OXR1: variants seen among roughly 807,000 people sequenced by gnomAD.
The protein encoded by OXR1 is oxidation resistance 1, also known as oxidation resistance protein 1.
In OXR1, 41 loss-of-function variants were observed where a neutral mutation model predicts 104.6. That is an observed-to-expected ratio of 0.39 (90% CI 0.31 to 0.51). The LOEUF (loss-of-function observed/expected upper bound fraction) is 0.51, where lower values mean the gene tolerates loss of function less well. Ranked by LOEUF, OXR1 falls within the 20% of genes least tolerant of loss-of-function variation. The pLI is 0.77. For missense variants in OXR1, 955 were observed against 1,031.9 expected, an observed-to-expected ratio of 0.93 and a Z score of 1.02; for synonymous variants, 348 against 348.4, an observed-to-expected ratio of 1.00 and a Z score of 0.01.
chr8:106,527,195 G>A (rs1168913366), intron 3 of OXR1, among the ~76,000 whole-genome samples: 1 of 152,228 alleles, frequency 6.6e-6, no homozygotes, highest in Admixed American at 6.5e-5. Flanking sequence ...TGTATTTAAA[G>A]TACTTATATT....
intron 1 of OXR1, among the ~76,000 whole-genome samples, chr8:106,330,994 G>A (rs1280767844): frequency 2.0e-5 from 3 of 152,178 alleles, no homozygotes; most frequent in Admixed American, 2.0e-4. Context: ...GAAGTGCTAA[G>A]AGAAATAAAG....
rs569224844 is a variant in OXR1 at position 106,475,125 on chromosome 8, G to A, written c.24-43818G>A. Among the ~76,000 whole-genome samples the A allele has an allele frequency of 5.3e-5, 8 of 151,946 alleles. No homozygotes were observed. The East Asian group carries it at 5.8e-4, about 11-fold the overall frequency. ...ACCCTTGAACAGTGTAGGAGTTAGC[G>A]GTGCCAATCTCCCACACAGTCAAAA... On this transcript the variant is annotated intron_variant, in intron 2 of 16. Coordinates refer to ENST00000517566, the MANE Select transcript of OXR1 (RefSeq NM_001198533.2).
intron 1 of OXR1, among the ~76,000 whole-genome samples, chr8:106,276,317 A>G (rs1812035055): frequency 6.6e-6 from 1 of 152,122 alleles, no homozygotes; most frequent in South Asian, 2.1e-4. Context: ...TGCAATTTTG[A>G]TTTGAACAAC....
intron 3 of OXR1, among the ~76,000 whole-genome samples, chr8:106,567,152 C>G (rs564820030): frequency 6.6e-6 from 1 of 152,148 alleles, no homozygotes; most frequent in African/African-American, 2.4e-5. Context: ...CATGTTACCT[C>G]TCATGGAATT....
chr8:106,465,501 G>T (rs1821125622), intron 2 of OXR1, among the ~76,000 whole-genome samples: 1 of 151,978 alleles, frequency 6.6e-6, no homozygotes, highest in South Asian at 2.1e-4. Flanking sequence ...CATTTTAGAT[G>T]CAGTTTTAAG....
chr8:106,300,542 A>G (rs1813189394), intron 1 of OXR1, among the ~76,000 whole-genome samples: 1 of 151,904 alleles, frequency 6.6e-6, no homozygotes, highest in African/African-American at 2.4e-5. Context: ...ACAAAAATGA[A>G]TTAATTCAAC....
At chr8:106,379,533 C>A (rs367609402) in intron 2 of OXR1, among the ~76,000 whole-genome samples, 1 of 96,970 alleles carries the variant, frequency 1.0e-5, no homozygotes. Flanking sequence ...TTTTTTCTTT[C>A]TTTCTTTTTT....
In OXR1 at chr8:106,309,462, G is replaced by A. The variant is rs1275387008; in HGVS notation, c.-139+39095G>A. ...TTAGCAGGAACCCACTCCAGGATAC[G>A]TGAGCTATTTATAGCCATTTTAGTG... On this transcript the variant is annotated intron_variant, in intron 1 of 16. Transcript: ENST00000517566. Among the ~76,000 whole-genome samples, 8 of 152,158 alleles carry A rather than the reference G, an allele frequency of 5.3e-5. No individual in the cohort carries two copies. The East Asian group carries it at 1.5e-3, about 29-fold the overall frequency.
intron 3 of OXR1, among the ~76,000 whole-genome samples, chr8:106,610,533 T>C (rs1401429495): frequency 2.6e-5 from 4 of 152,164 alleles, no homozygotes; most frequent in African/African-American, 9.7e-5. Flanking sequence ...TAACCTCATC[T>C]CTCTCCTCTC....
intron 3 of OXR1, among the ~76,000 whole-genome samples, chr8:106,638,868 T>A (rs1436733141): frequency 7.0e-6 from 1 of 141,986 alleles, no homozygotes; most frequent in Admixed American, 7.4e-5. Context: ...CACTCCAACC[T>A]GGGCGCAAGA....
chr8:106,598,055 G>A (rs1433737925), intron 3 of OXR1, among the ~76,000 whole-genome samples: 1 of 152,094 alleles, frequency 6.6e-6, no homozygotes, highest in Non-Finnish European at 1.5e-5. Context: ...TGAGTCCAGG[G>A]CCTTCCCCCT....
At chr8:106,366,798 A>C (rs1203576070) in intron 2 of OXR1, among the ~76,000 whole-genome samples, 1 of 152,112 alleles carries the variant, frequency 6.6e-6, no homozygotes, top group Admixed American at 6.5e-5. Flanking sequence ...GGAAATGGTC[A>C]GCTTGTAAAG....
intron 1 of OXR1, among the ~76,000 whole-genome samples, chr8:106,291,272 C>T (rs1812739463): frequency 1.3e-5 from 2 of 152,106 alleles, no homozygotes; most frequent in African/African-American, 2.4e-5. Flanking sequence ...ACAGGAGACA[C>T]TGTAGACTAC....
intron 3 of OXR1, among the ~76,000 whole-genome samples, chr8:106,662,861 G>C (rs1825906964): frequency 6.6e-6 from 1 of 151,718 alleles, no homozygotes; most frequent in South Asian, 2.1e-4. Flanking sequence ...TGATGATGAT[G>C]ATGATGATGA....
intron 1 of OXR1, among the ~76,000 whole-genome samples, chr8:106,357,030 A>T (rs1019754156): frequency 1.3e-5 from 2 of 151,936 alleles, no homozygotes; most frequent in Non-Finnish European, 2.9e-5. Context: ...GTTTTTTTTT[A>T]AATGATGTCT....
chr8:106,658,131 G>A, intron 3 of OXR1: 1 of 1,246,438 alleles, frequency 8.0e-7, no homozygotes, highest in Non-Finnish European at 1.0e-6. Flanking sequence ...GGGGGACCTC[G>A]GGTGCGGGTC....
intron 3 of OXR1, among the ~76,000 whole-genome samples, chr8:106,659,225 C>T (rs924388121): frequency 6.6e-6 from 1 of 152,180 alleles, no homozygotes; most frequent in Non-Finnish European, 1.5e-5. Flanking sequence ...TTCCCAAGTG[C>T]TGGGATTACA....
At chr8:106,635,009 C>G (rs1222895894) in intron 3 of OXR1, among the ~76,000 whole-genome samples, 1 of 152,168 alleles carries the variant, frequency 6.6e-6, no homozygotes, top group East Asian at 1.9e-4. Flanking sequence ...TTGAGAGGCA[C>G]TGGTCTTAAT....
intron 2 of OXR1, among the ~76,000 whole-genome samples, chr8:106,464,808 C>A (rs370833140): frequency 6.6e-6 from 1 of 151,988 alleles, no homozygotes; most frequent in Non-Finnish European, 1.5e-5. Flanking sequence ...GGCTTCATTA[C>A]GCAATAACCA....
Sources: allele counts gnomAD v4.1 joint callset (sites outside exome capture counted in the v4.1 genomes callset), GRCh38; gene constraint gnomAD v4.1.1; transcripts MANE v1.5; gene names NCBI Gene and HGNC (gene_info 2026-07-23, HGNC 2026-07-21).